ZNF804A: variants seen among roughly 807,000 people sequenced by gnomAD.
The protein encoded by ZNF804A is zinc finger protein 804A.
In ZNF804A, 2 loss-of-function variants were observed where a neutral mutation model predicts 16.5. That is an observed-to-expected ratio of 0.12 (90% CI 0.05 to 0.38). ZNF804A has a LOEUF of 0.38. Among genes scored for constraint, ZNF804A ranks in the 10% least tolerant of loss-of-function variants. ZNF804A has a pLI of 0.99. For synonymous variants in ZNF804A, 534 were observed against 489.6 expected (o/e 1.09, Z -1.20); for missense variants, 1,473 against 1,390.7 (o/e 1.06, Z -0.94).
At chr2:184,762,211 C>T (rs78375291) in intron 1 of ZNF804A, among the ~76,000 whole-genome samples, 1 of 137,926 alleles carries the variant, frequency 7.3e-6, no homozygotes. Context: ...CTTTTCTTTT[C>T]TTTTTTTTTT....
chr2:184,840,576 T>C (rs1695421025), intron 1 of ZNF804A, among the ~76,000 whole-genome samples: 1 of 152,148 alleles, frequency 6.6e-6, no homozygotes, highest in Non-Finnish European at 1.5e-5. Flanking sequence ...GTGTGCTCTC[T>C]AATTTTTTCA....
chr2:184,700,704 T>C (rs966286255), intron 1 of ZNF804A, among the ~76,000 whole-genome samples: 1 of 151,990 alleles, frequency 6.6e-6, no homozygotes, highest in Non-Finnish European at 1.5e-5. Context: ...ATGATAAATA[T>C]ATAGTGTAAA....
chr2:184,785,065 A>G (rs1384223827), intron 1 of ZNF804A, among the ~76,000 whole-genome samples: 1 of 151,958 alleles, frequency 6.6e-6, no homozygotes, highest in African/African-American at 2.4e-5. Flanking sequence ...AAACATTTCT[A>G]TTGCTCATAA....
chr2:184,670,482 C>T (rs1201342864), intron 1 of ZNF804A, among the ~76,000 whole-genome samples: 2 of 152,010 alleles, frequency 1.3e-5, no homozygotes, highest in Non-Finnish European at 2.9e-5. Flanking sequence ...CTTTTCTTCT[C>T]TATATTCTGG....
intron 1 of ZNF804A, among the ~76,000 whole-genome samples, chr2:184,767,131 A>G (rs1415445391): frequency 6.6e-6 from 1 of 152,108 alleles, no homozygotes; most frequent in South Asian, 2.1e-4. Flanking sequence ...TGAGGAATAC[A>G]TTTCTGTTGT....
At chr2:184,764,522 A>G (rs1217315655) in intron 1 of ZNF804A, among the ~76,000 whole-genome samples, 1 of 152,194 alleles carries the variant, frequency 6.6e-6, no homozygotes, top group Non-Finnish European at 1.5e-5. Flanking sequence ...GAAATTGTCC[A>G]TCAACTGGGC....
Position 184,937,879 on chromosome 2 carries a change from T to G in ZNF804A, c.2483T>G (p.Leu828Arg), listed in dbSNP as rs1467465877. ...CACCCCGGATTTGAAACTTTAGAAC[T>G]CAAAGAAAATACAGATTATCCCGTG... ...RFHPGFETLE[L>R]KENTDYPVKD... Residue 828 changes from leucine (L) to arginine (R), a missense_variant, in exon 4 of 4, where the codon CTC becomes CGC. Coordinates refer to ENST00000302277, the MANE Select transcript of ZNF804A (RefSeq NM_194250.2). 1.9e-6 allele frequency: 3 copies of G among 1,614,062 alleles called. No homozygotes were observed. Among genetic ancestry groups the G allele is most frequent in the Non-Finnish European group, 2.5e-6 (3 of 1,179,976 alleles).
intron 1 of ZNF804A, among the ~76,000 whole-genome samples, chr2:184,827,977 T>C (rs1054287929): frequency 1.3e-5 from 2 of 151,964 alleles, no homozygotes; most frequent in South Asian, 2.1e-4. Context: ...TATAATCTCC[T>C]ATCATCTATT....
At chr2:184,710,169 A>G (rs956631552) in intron 1 of ZNF804A, among the ~76,000 whole-genome samples, 2 of 151,376 alleles carry the variant, frequency 1.3e-5, no homozygotes, top group Non-Finnish European at 3.0e-5. Context: ...ATTGACACAC[A>G]GTAAACTGTA....
At chr2:184,933,770 A>G (rs1685742176) in intron 3 of ZNF804A, 37 bp downstream of exon 3, 3 of 1,584,172 alleles carry the variant, frequency 1.9e-6, no homozygotes, top group Non-Finnish European at 2.6e-6. Context: ...TTCTTAAAAC[A>G]TGACCAAAAA....
At chr2:184,715,329 T>A (rs1693196764) in intron 1 of ZNF804A, among the ~76,000 whole-genome samples, 1 of 152,150 alleles carries the variant, frequency 6.6e-6, no homozygotes, top group Admixed American at 6.6e-5. Flanking sequence ...ATGCCCACAT[T>A]TGTGACTGAG....
intron 1 of ZNF804A, among the ~76,000 whole-genome samples, chr2:184,859,708 A>G (rs12693397): frequency 0.32 from 48,735 of 152,082 alleles, 10,603 homozygotes; most frequent in African/African-American, 0.62. Context: ...TGCATTAGAA[A>G]TAGTTTATTA....
chr2:184,806,391 T>C (rs892398295), intron 1 of ZNF804A, among the ~76,000 whole-genome samples: 4 of 151,958 alleles, frequency 2.6e-5, no homozygotes, highest in African/African-American at 7.2e-5. Flanking sequence ...TAAATGTGTG[T>C]TTATTTAATT....
chr2:184,876,819 G>A (rs942671475), intron 2 of ZNF804A, among the ~76,000 whole-genome samples: 1 of 151,898 alleles, frequency 6.6e-6, no homozygotes, highest in African/African-American at 2.4e-5. Context: ...TTGAGGGTAG[G>A]GAGCAAAAAC....
intron 1 of ZNF804A, among the ~76,000 whole-genome samples, chr2:184,771,871 A>C (rs983537936): frequency 2.6e-5 from 4 of 152,018 alleles, no homozygotes; most frequent in Non-Finnish European, 5.9e-5. Flanking sequence ...GTGACACCTG[A>C]TTGCTTTAGC....
chr2:184,849,871 A>G (rs1472533120), intron 1 of ZNF804A, among the ~76,000 whole-genome samples: 2 of 152,056 alleles, frequency 1.3e-5, no homozygotes, highest in Non-Finnish European at 2.9e-5. Context: ...TGCACAATGG[A>G]ATATTTTTCA....
intron 1 of ZNF804A, among the ~76,000 whole-genome samples, chr2:184,863,589 T>C (rs1695832005): frequency 6.6e-6 from 1 of 151,804 alleles, no homozygotes; most frequent in Admixed American, 6.6e-5. Flanking sequence ...TAATAAGAGC[T>C]AATCAAATAT....
rs1298266742 is a variant in ZNF804A, at chr2:184,934,923, A to G, written c.387-860A>G. Among the ~76,000 whole-genome samples the G allele has an allele frequency of 2.0e-5, 3 of 152,242 alleles. No homozygotes were observed. In the East Asian group the frequency reaches 5.8e-4, roughly 29 times the overall value. On this transcript the variant is annotated intron_variant, in intron 3 of 3. Coordinates refer to ENST00000302277, the MANE Select transcript of ZNF804A (RefSeq NM_194250.2). ...GCTAAATGAAGCAATACATTGTGTT[A>G]GTGGTTAGATAAAGGAAATATCCAA...
chr2:184,728,616 A>G (rs532495036), intron 1 of ZNF804A, among the ~76,000 whole-genome samples: 1 of 152,016 alleles, frequency 6.6e-6, no homozygotes, highest in East Asian at 1.9e-4. Context: ...CTCAGTACAG[A>G]AATCTGAGCC....
Sources: allele counts gnomAD v4.1 joint callset (sites outside exome capture counted in the v4.1 genomes callset), GRCh38; gene constraint gnomAD v4.1.1; transcripts MANE v1.5; gene names NCBI Gene and HGNC (gene_info 2026-07-23, HGNC 2026-07-21).